Variants in ADAMTS19 observed in about 807,000 individuals in gnomAD.
ADAMTS19 encodes ADAM metallopeptidase with thrombospondin type 1 motif 19.
A neutral mutation model predicts 153.3 loss-of-function variants in ADAMTS19; 93 were observed. The ratio of observed to expected loss-of-function variants is 0.61; its 90% CI spans 0.51 to 0.72. The LOEUF is 0.72. ADAMTS19 is among the 30% of genes least tolerant of loss of function. The pLI, the probability that ADAMTS19 is intolerant of heterozygous loss-of-function variation, is 0.00. For synonymous variants in ADAMTS19, 600 were observed against 556.6 expected (o/e 1.08, Z -1.10); for missense variants, 1,482 against 1,552.1 (o/e 0.95, Z 0.76).
rs780134991 is a variant in ADAMTS19, at chr5:129,622,183, C to A, written c.1620-15C>A. The stretch of plus-strand genomic sequence containing the variant: ...CATTAAATTCAAAAGTTTACACATA[C>A]CTGCCTATTGCCAGGTCAAAGGCCA... On this transcript the variant is annotated splice_polypyrimidine_tract_variant and intron_variant, in intron 9 of 22. Coordinates refer to ENST00000274487, the MANE Select transcript of ADAMTS19 (RefSeq NM_133638.6). 29 of 1,613,750 alleles carry A rather than the reference C, an allele frequency of 1.8e-5. No individual in the cohort carries two copies. The highest frequency in any genetic ancestry group is 2.3e-5 in the Non-Finnish European group (27 of 1,179,844).
chr5:129,641,919 C>G lies in ADAMTS19; in HGVS notation c.1831C>G (p.Leu611Val). 1.9e-6 allele frequency: 3 copies of G among 1,604,500 alleles called. No homozygotes were observed. Among genetic ancestry groups the G allele is most frequent in the Non-Finnish European group, 2.6e-6 (3 of 1,174,652 alleles). ...AGGTGAGAAAGAATGCAGAACCAAG[C>G]TAGACCCACCAATGGATGGAACTGA... ...VEGEKECRTK[L>V]DPPMDGTDCD... is the part of the protein sequence containing the mutation. The change falls in exon 11 of 23, where the codon CTA (leucine) becomes GTA (valine). Residue 611 changes from leucine (L) to valine (V), a missense_variant. By Grantham distance (32) the Leu-to-Val change is conservative. Coordinates refer to ENST00000274487, the MANE Select transcript of ADAMTS19 (RefSeq NM_133638.6).
intron 21 of ADAMTS19, among the ~76,000 whole-genome samples, chr5:129,713,635 C>CA (rs1756581324): frequency 6.6e-6 from 1 of 151,944 alleles, no homozygotes; most frequent in Non-Finnish European, 1.5e-5. Context: ...GTGGTACATA[C>CA]ATGTAATCCC....
At chr5:129,565,332 A>T (rs1170498114) in intron 7 of ADAMTS19, among the ~76,000 whole-genome samples, 2 of 152,204 alleles carry the variant, frequency 1.3e-5, no homozygotes, top group Non-Finnish European at 2.9e-5. Flanking sequence ...TGGGTCTCAG[A>T]TATATTCGAT....
intron 7 of ADAMTS19, among the ~76,000 whole-genome samples, chr5:129,583,266 T>G (rs560442789): frequency 9.8e-5 from 15 of 152,342 alleles, no homozygotes; most frequent in Middle Eastern, 3.4e-3. Flanking sequence ...GTAGGGTTTC[T>G]GCAGAGAGAT....
chr5:129,548,878 G>A (rs2126815189), intron 6 of ADAMTS19, among the ~76,000 whole-genome samples: 1 of 151,642 alleles, frequency 6.6e-6, no homozygotes, highest in African/African-American at 2.4e-5. Context: ...CCTTTATAGG[G>A]ACATGGATGA....
At chr5:129,663,053 C>A (rs1016187175) in intron 15 of ADAMTS19, among the ~76,000 whole-genome samples, 7 of 151,964 alleles carry the variant, frequency 4.6e-5, no homozygotes, top group Non-Finnish European at 8.8e-5. Flanking sequence ...TGCCACTATA[C>A]CCAGCTAATT....
rs1753864288 is a variant in ADAMTS19, at chr5:129,570,586, G to C, written c.1372+18679G>C. On this transcript the variant is annotated intron_variant, in intron 7 of 22. Transcript: ENST00000274487. ...AAAAAACAAATGTCAAGGATACTTA[G>C]ATTTACCGATACTAAAAACCAAACT... is the stretch of plus-strand genomic sequence containing the variant. 2.0e-5 allele frequency among the ~76,000 whole-genome samples: 3 copies of C among 150,914 alleles called. No homozygotes were observed. The South Asian group carries it at 6.2e-4, about 31-fold the overall frequency.
At chr5:129,518,386 G>A (rs1751683679) in intron 3 of ADAMTS19, among the ~76,000 whole-genome samples, 1 of 152,030 alleles carries the variant, frequency 6.6e-6, no homozygotes, top group Admixed American at 6.6e-5. Flanking sequence ...GACAGGTCTG[G>A]TATTGCTGAA....
chr5:129,522,753 A>G (rs1451733842), intron 3 of ADAMTS19, among the ~76,000 whole-genome samples: 5 of 151,970 alleles, frequency 3.3e-5, no homozygotes, highest in Non-Finnish European at 5.9e-5. Flanking sequence ...GGAAACAGTA[A>G]CTCAAGAATC....
At chr5:129,697,838 T>C (rs1347167795) in intron 19 of ADAMTS19, among the ~76,000 whole-genome samples, 1 of 152,278 alleles carries the variant, frequency 6.6e-6, no homozygotes, top group East Asian at 1.9e-4. Context: ...TTATCTGTGT[T>C]AAATAATGTT....
rs537342134 is a variant in ADAMTS19, at chr5:129,511,930, A to G, written c.913+2688A>G. On this transcript the variant is annotated intron_variant, in intron 3 of 22. Coordinates refer to ENST00000274487, the MANE Select transcript of ADAMTS19 (RefSeq NM_133638.6). ...TTTTAGTGCATGCTGTTACATGTTA[A>G]TGGGTCAAGAACATTTCAGGCAGAA... is the stretch of plus-strand genomic sequence containing the variant. Among the ~76,000 whole-genome samples the G allele has an allele frequency of 3.9e-5, 6 of 152,136 alleles. No individual in the cohort carries two copies. The South Asian group carries it at 1.0e-3, about 26-fold the overall frequency.
chr5:129,555,038 C>T (rs1254823307), intron 7 of ADAMTS19, among the ~76,000 whole-genome samples: 1 of 152,084 alleles, frequency 6.6e-6, no homozygotes, highest in Non-Finnish European at 1.5e-5. Flanking sequence ...TTGACAGATG[C>T]TTTTAAGTCA....
At chr5:129,476,379 G>T (rs72789078) in intron 2 of ADAMTS19, among the ~76,000 whole-genome samples, 2,056 of 151,902 alleles carry the variant, frequency 0.014, 22 homozygotes, top group Non-Finnish European at 0.021. Flanking sequence ...ATGAACCCAG[G>T]ATTCAGACTC....
chr5:129,562,639 C>CGT (rs909541819), intron 7 of ADAMTS19, among the ~76,000 whole-genome samples: 30 of 151,056 alleles, frequency 2.0e-4, no homozygotes, highest in African/African-American at 4.1e-4. Flanking sequence ...TGTGTGTGTG[C>CGT]GTGTGTGTGT....
chr5:129,642,051 C>T lies in ADAMTS19; in HGVS notation c.1872+91C>T. On this transcript the variant is annotated intron_variant, in intron 11 of 22. Transcript: ENST00000274487. ...CTCTGCCAGTTACATTTGTATTCAT[C>T]TTAGCACTGATGGAATAATAACAGT... The T allele has an allele frequency of 1.6e-5, 10 of 608,528 alleles. No individual in the cohort carries two copies. In the South Asian group the frequency reaches 3.4e-4, roughly 21 times the overall value. The allele number at this position is 608,528 out of a possible 1,614,324, so 37.7% of individuals were successfully genotyped here.
chr5:129,680,985 C>T (rs1754782555), intron 17 of ADAMTS19, among the ~76,000 whole-genome samples: 1 of 152,192 alleles, frequency 6.6e-6, no homozygotes, highest in East Asian at 1.9e-4. Flanking sequence ...AATTCAGACA[C>T]TGCAACACCT....
intron 16 of ADAMTS19, among the ~76,000 whole-genome samples, chr5:129,667,793 A>T (rs1754121927): frequency 6.6e-6 from 1 of 152,132 alleles, no homozygotes; most frequent in Non-Finnish European, 1.5e-5. Context: ...CAGGTGTTTC[A>T]TGATAGCAGT....
chr5:129,468,661 T>A (rs1749959850), intron 2 of ADAMTS19, among the ~76,000 whole-genome samples: 1 of 152,156 alleles, frequency 6.6e-6, no homozygotes, highest in African/African-American at 2.4e-5. Context: ...CAAAGATTGA[T>A]GTTATCTTAA....
intron 8 of ADAMTS19, among the ~76,000 whole-genome samples, chr5:129,601,416 G>A (rs192215851): frequency 6.6e-6 from 1 of 152,014 alleles, no homozygotes; most frequent in South Asian, 2.1e-4. Context: ...TGAACAACAG[G>A]TTGTTAAAGT....
Sources: allele counts gnomAD v4.1 joint callset (sites outside exome capture counted in the v4.1 genomes callset), GRCh38; gene constraint gnomAD v4.1.1; transcripts MANE v1.5; gene names NCBI Gene and HGNC (gene_info 2026-07-23, HGNC 2026-07-21).